The following IQSEC3 variants were observed in gnomAD, a reference collection of about 807,000 sequenced individuals.
The protein encoded by IQSEC3 is IQ motif and Sec7 domain ArfGEF 3.
Under a neutral mutation model 105.4 loss-of-function variants are expected in IQSEC3, and 50 were observed. The ratio of observed to expected loss-of-function variants is 0.47; its 90% CI spans 0.38 to 0.60. IQSEC3 has a LOEUF of 0.60. Among genes scored for constraint, IQSEC3 ranks in the 20% least tolerant of loss-of-function variants. The pLI is 0.00. For synonymous variants in IQSEC3, 708 were observed against 746.0 expected (o/e 0.95, Z 0.83); for missense variants, 1,415 against 1,630.0 (o/e 0.87, Z 2.27).
chr12:69,263 T>G (rs1450894819), intron 1 of IQSEC3, among the ~76,000 whole-genome samples: 1 of 152,272 alleles, frequency 6.6e-6, no homozygotes, highest in Non-Finnish European at 1.5e-5. Context: ...GAGGAAAGAT[T>G]ATTTTTCTTA....
chr12:76,477 G>A (rs554428506), intron 1 of IQSEC3, among the ~76,000 whole-genome samples: 12 of 152,396 alleles, frequency 7.9e-5, no homozygotes, highest in East Asian at 5.8e-4. Flanking sequence ...GCAAAGATCA[G>A]CATAGCTTTA....
chr12:124,519 A>G (rs782589586), intron 2 of IQSEC3, among the ~76,000 whole-genome samples: 1 of 152,146 alleles, frequency 6.6e-6, no homozygotes, highest in South Asian at 2.1e-4. Context: ...AGGACCTCCT[A>G]AGGTAGGAAT....
chr12:131,019 T>G, intron 3 of IQSEC3, among the ~76,000 whole-genome samples: 1 of 43,598 alleles, frequency 2.3e-5, no homozygotes. Context: ...CTAGCGGCTC[T>G]TCCTCCCCAC....
intron 1 of IQSEC3, among the ~76,000 whole-genome samples, chr12:94,884 G>C (rs537382091): frequency 6.6e-6 from 1 of 152,340 alleles, no homozygotes; most frequent in South Asian, 2.1e-4. Flanking sequence ...ATGCTTCTTT[G>C]CGTATGCTCT....
intron 1 of IQSEC3, among the ~76,000 whole-genome samples, chr12:85,624 C>T (rs915310548): frequency 2.6e-5 from 4 of 152,140 alleles, no homozygotes; most frequent in African/African-American, 4.8e-5. Flanking sequence ...GGCTGAGTGG[C>T]GGGGTGAGCA....
rs570401435 is a variant in IQSEC3, at chr12:119,867, G to C, written c.624-5766G>C. 2.0e-5 allele frequency among the ~76,000 whole-genome samples: 3 copies of C among 152,288 alleles called. No homozygotes were observed. In the South Asian group the frequency reaches 6.2e-4, roughly 32 times the overall value. The stretch of plus-strand genomic sequence containing the variant: ...AATCTTTGGTGGGGCTGATGGGGCT[G>C]ACAGCTAAAGGCACTCTCCACAGTG... On this transcript the variant is annotated intron_variant, in intron 2 of 13. Transcript: ENST00000538872.
intron 3 of IQSEC3, among the ~76,000 whole-genome samples, 181 bp downstream of exon 3, chr12:126,093 C>T (rs1232338276): frequency 4.6e-5 from 7 of 152,232 alleles, no homozygotes; most frequent in African/African-American, 1.7e-4. Context: ...CAGGCCTCTG[C>T]CTTCTACCAT....
chr12:107,564 C>T (rs555244281), intron 2 of IQSEC3, among the ~76,000 whole-genome samples: 50 of 151,934 alleles, frequency 3.3e-4, no homozygotes, highest in African/African-American at 1.1e-3. Flanking sequence ...TGCCCGCCAC[C>T]GTGCCCGGCT....
intron 2 of IQSEC3, among the ~76,000 whole-genome samples, chr12:117,393 G>A (rs1451914931): frequency 6.6e-6 from 1 of 152,258 alleles, no homozygotes; most frequent in Non-Finnish European, 1.5e-5. Context: ...AAGACAGTAG[G>A]ATTCCGGGGG....
At position 141,315 on chromosome 12, in the gene IQSEC3, A is replaced by T. The variant is rs782733610; in HGVS notation, c.2153+30A>T. 11 of 1,592,856 alleles carry T rather than the reference A, an allele frequency of 6.9e-6. No homozygotes were observed. In the Admixed American group the frequency reaches 1.9e-4, roughly 27 times the overall value. On this transcript the variant is annotated intron_variant, in intron 5 of 13. Coordinates refer to ENST00000538872, the MANE Select transcript of IQSEC3 (RefSeq NM_001170738.2). ...GTACCCCACACTCCGGGCTTTCCCC[A>T]CTCCTTCCCACACCCCACCTGCCCG... is the stretch of plus-strand genomic sequence containing the variant.
In IQSEC3 at chr12:165,614, T is replaced by A. The variant is rs1398283651; in HGVS notation, c.2809+81T>A. The A allele has an allele frequency of 3.2e-6, 5 of 1,571,356 alleles. 1 individual carries two copies. The East Asian group carries it at 1.1e-4, about 35-fold the overall frequency. ...CTGGGGCGAGTTGAGGGAGAAGGGCTGGACAGCAGAGTGGGTGGAGGCATG... is the reference window on the plus strand; with the variant it reads ...CTGGGGCGAGTTGAGGGAGAAGGGCAGGACAGCAGAGTGGGTGGAGGCATG... On this transcript the variant is annotated intron_variant, in intron 10 of 13. Transcript: ENST00000538872.
intron 13 of IQSEC3, among the ~76,000 whole-genome samples, chr12:172,076 T>C (rs1555100506): frequency 6.6e-6 from 1 of 152,106 alleles, no homozygotes. Context: ...CGGCTGCTCA[T>C]ACAGACACCT....
chr12:76,376 G>A (rs1863529292), intron 1 of IQSEC3, among the ~76,000 whole-genome samples: 1 of 152,262 alleles, frequency 6.6e-6, no homozygotes. Flanking sequence ...ACCTGAGTGG[G>A]CACGACTGCG....
At chr12:131,590 A>C (rs1231450425) in intron 3 of IQSEC3, among the ~76,000 whole-genome samples, 2 of 152,238 alleles carry the variant, frequency 1.3e-5, no homozygotes, top group African/African-American at 2.4e-5. Context: ...GAGAGAATTC[A>C]GTTTAGTTCA....
intron 5 of IQSEC3, among the ~76,000 whole-genome samples, chr12:153,734 T>C (rs1277235730): frequency 6.6e-6 from 1 of 152,018 alleles, no homozygotes; most frequent in Non-Finnish European, 1.5e-5. Flanking sequence ...ACCACCCCCA[T>C]GCAAAAGCAG....
chr12:168,643 T>G (rs564060121), intron 11 of IQSEC3, among the ~76,000 whole-genome samples: 2 of 152,102 alleles, frequency 1.3e-5, no homozygotes, highest in Non-Finnish European at 2.9e-5. Context: ...CACCGTGAAG[T>G]GGGCCTGGCT....
intron 13 of IQSEC3, among the ~76,000 whole-genome samples, chr12:172,452 CAGGG>C (rs1240998300): frequency 5.3e-5 from 8 of 152,168 alleles, no homozygotes; most frequent in Non-Finnish European, 8.8e-5. Flanking sequence ...CTGAGCTACC[CAGGG>C]AGGACAACCA....
intron 9 of IQSEC3, 182 bp from the exon 10 acceptor site, chr12:165,252 T>G: frequency 3.3e-6 from 2 of 610,452 alleles, no homozygotes; most frequent in East Asian, 2.8e-5. Flanking sequence ...CACTGTAGGG[T>G]TTTGTGCAGT....
In IQSEC3 at chr12:125,813, C is replaced by G. The variant is rs1555083184; in HGVS notation, c.804C>G (p.Ala268=). The G allele has an allele frequency of 6.5e-7, 1 of 1,527,612 alleles. No individual in the cohort carries two copies. The allele number at this position is 1,527,612 out of a possible 1,614,324, so 94.6% of individuals were successfully genotyped here. The change falls in exon 3 of 14, where the codon GCC becomes GCG. Residue 268 remains alanine (A), a synonymous_variant. Transcript: ENST00000538872. Reference sequence around the variant, plus strand: ...CAAGGGCTGGCCCCCAGCACAAGGCCTCCCCCGGCCGGCAGCAGCCTGCCC... The same window carrying G: ...CAAGGGCTGGCCCCCAGCACAAGGCGTCCCCCGGCCGGCAGCAGCCTGCCC... ...ASPRAGPQHK[A]SPGRQQPALA...
Sources: gnomAD v4.1 joint callset for allele counts (sites outside exome capture counted in the v4.1 genomes callset) on GRCh38, gnomAD v4.1.1 for gene constraint, MANE v1.5 for transcripts, NCBI Gene and HGNC (gene_info 2026-07-23, HGNC 2026-07-21) for gene names.